MTUS1: variants seen among roughly 807,000 people sequenced by gnomAD.
MTUS1 encodes microtubule associated scaffold protein 1.
MTUS1 carries 109 observed loss-of-function variants against 120.8 expected under a neutral mutation model. The ratio of observed to expected loss-of-function variants is 0.90; its 90% CI spans 0.77 to 1.06. The LOEUF (loss-of-function observed/expected upper bound fraction) is 1.06. MTUS1 is among the 50% of genes least tolerant of loss of function. The pLI is 0.00. For synonymous variants in MTUS1, 737 were observed against 550.5 expected (o/e 1.34, Z -4.74); for missense variants, 2,210 against 1,486.3 (o/e 1.49, Z -8.01).
At chr8:17,688,552 CAG>C (rs2130806989) in intron 6 of MTUS1, among the ~76,000 whole-genome samples, 1 of 152,318 alleles carries the variant, frequency 6.6e-6, no homozygotes, top group Admixed American at 6.5e-5. Context: ...GCGGCATGGA[CAG>C]ACAGAAAATT....
intron 6 of MTUS1, among the ~76,000 whole-genome samples, chr8:17,695,978 G>A (rs890106060): frequency 7.9e-5 from 12 of 152,110 alleles, no homozygotes; most frequent in East Asian, 1.9e-4. Flanking sequence ...AACTTGGAGC[G>A]TGGATTACAG....
intron 6 of MTUS1, chr8:17,697,859 T>G (rs536139652): frequency 2.2e-4 from 77 of 349,072 alleles, no homozygotes; most frequent in Non-Finnish European, 2.8e-4. Flanking sequence ...AATTAGGATT[T>G]CCTGAAAGTA....
intron 1 of MTUS1, among the ~76,000 whole-genome samples, chr8:17,756,543 GGA>G (rs2048622226): frequency 6.6e-6 from 1 of 150,520 alleles, no homozygotes; most frequent in African/African-American, 2.4e-5. Flanking sequence ...AAATTGAAGG[GGA>G]AAAAAAAATT....
rs189935689 is a variant in MTUS1, at chr8:17,797,544, G to C, written c.-155+3517C>G. 2.8e-3 allele frequency among the ~76,000 whole-genome samples: 424 copies of C among 152,332 alleles called. 2 individuals carry two copies. The highest frequency in any genetic ancestry group is 9.7e-3 in the African/African-American group (404 of 41,576). On this transcript the variant is annotated intron_variant, in intron 1 of 14. Transcript: ENST00000693296. Reference sequence around the variant, plus strand: ...GGTCAAAGTAGGCTTTTCGGGGCCAGATTTCAAGCTAGCTGAGTTCATACC... The same window carrying C: ...GGTCAAAGTAGGCTTTTCGGGGCCACATTTCAAGCTAGCTGAGTTCATACC...
At chr8:17,722,354 T>C in intron 4 of MTUS1, 3 of 969,724 alleles carry the variant, frequency 3.1e-6, no homozygotes, top group Non-Finnish European at 3.7e-6. Flanking sequence ...GATTCTGTTT[T>C]GGCAGTTTGT....
intron 8 of MTUS1, among the ~76,000 whole-genome samples, chr8:17,657,103 T>G (rs1808473935): frequency 6.6e-6 from 1 of 150,414 alleles, no homozygotes; most frequent in South Asian, 2.1e-4. Context: ...ACCTTAAACT[T>G]GTAGTTAATT....
intron 2 of MTUS1, among the ~76,000 whole-genome samples, chr8:17,749,768 T>C (rs2048045883): frequency 6.6e-6 from 1 of 152,056 alleles, no homozygotes; most frequent in Non-Finnish European, 1.5e-5. Flanking sequence ...ACAGAACCAC[T>C]GTATACCTTA....
chr8:17,714,948 C>G (rs1188745320), intron 5 of MTUS1, among the ~76,000 whole-genome samples: 1 of 139,028 alleles, frequency 7.2e-6, no homozygotes, highest in Non-Finnish European at 1.5e-5. Flanking sequence ...CTCTGTCACC[C>G]AGGCGGGAGT....
At chr8:17,743,883 A>C (rs2047530976) in intron 2 of MTUS1, 84 bp from the exon 3 acceptor site, 2 of 1,204,090 alleles carry the variant, frequency 1.7e-6, no homozygotes, top group African/African-American at 1.5e-5. Flanking sequence ...CCTCTAGGCC[A>C]AGGCAATTCC....
intron 1 of MTUS1, among the ~76,000 whole-genome samples, chr8:17,789,389 A>T (rs780367343): frequency 6.6e-6 from 1 of 152,170 alleles, no homozygotes; most frequent in Non-Finnish European, 1.5e-5. Flanking sequence ...AAGGTAGCTC[A>T]GACTGTTTGA....
At chr8:17,764,265 G>A (rs2131397545) in intron 1 of MTUS1, among the ~76,000 whole-genome samples, 1 of 152,272 alleles carries the variant, frequency 6.6e-6, no homozygotes, top group African/African-American at 2.4e-5. Flanking sequence ...TGGGGATACA[G>A]AGAATCAGGG....
intron 8 of MTUS1, among the ~76,000 whole-genome samples, chr8:17,663,501 C>G (rs1810220915): frequency 2.6e-5 from 4 of 152,162 alleles, no homozygotes. Flanking sequence ...TAGGATAGAG[C>G]CAAAATTACT....
chr8:17,753,421 AACT>A (rs1459816014), intron 2 of MTUS1, among the ~76,000 whole-genome samples: 6 of 152,312 alleles, frequency 3.9e-5, no homozygotes, highest in East Asian at 1.9e-4. Flanking sequence ...CAGGCACTTA[AACT>A]ACTAATTATA....
chr8:17,723,904 A>G (rs2046019704), intron 3 of MTUS1, 71 bp from the exon 4 acceptor site: 6 of 1,292,508 alleles, frequency 4.6e-6, no homozygotes, highest in African/African-American at 1.5e-5. Context: ...TTAAGCCTGT[A>G]AACTCAAACT....
At chr8:17,728,736 T>C (rs2046372933) in intron 3 of MTUS1, among the ~76,000 whole-genome samples, 1 of 152,026 alleles carries the variant, frequency 6.6e-6, no homozygotes, top group South Asian at 2.1e-4. Flanking sequence ...GACTCATAAT[T>C]TTAGACCTTA....
chr8:17,800,277 CTTTCGATCACCTG>C (rs2052575783), intron 1 of MTUS1, among the ~76,000 whole-genome samples: 1 of 152,164 alleles, frequency 6.6e-6, no homozygotes, highest in South Asian at 2.1e-4. Flanking sequence ...TGATGATTGA[CTTTCGATCACCTG>C]CACCTGGCAA....
At chr8:17,713,879 C>G (rs1444936235) in intron 5 of MTUS1, among the ~76,000 whole-genome samples, 1 of 152,150 alleles carries the variant, frequency 6.6e-6, no homozygotes, top group East Asian at 1.9e-4. Flanking sequence ...ATGATGATCT[C>G]TTAAAATACG....
chr8:17,728,125 G>C (rs1244231436), intron 3 of MTUS1, among the ~76,000 whole-genome samples: 1 of 152,188 alleles, frequency 6.6e-6, no homozygotes, highest in Non-Finnish European at 1.5e-5. Flanking sequence ...TGGTAGAATG[G>C]CGCTTGCCAG....
chr8:17,676,818 G>T (rs968255118), intron 7 of MTUS1, among the ~76,000 whole-genome samples: 8 of 152,200 alleles, frequency 5.3e-5, no homozygotes, highest in Non-Finnish European at 1.2e-4. Flanking sequence ...TGAACTAGGT[G>T]AAGAGCAAGG....
Sources: allele counts gnomAD v4.1 joint callset (sites outside exome capture counted in the v4.1 genomes callset), GRCh38; gene constraint gnomAD v4.1.1; transcripts MANE v1.5; gene names NCBI Gene and HGNC (gene_info 2026-07-23, HGNC 2026-07-21).